Variants in ACACA observed in about 807,000 individuals in gnomAD.
ACACA encodes the protein acetyl-CoA carboxylase alpha, also known as acetyl-CoA carboxylase 1.
Under a neutral mutation model 296.1 loss-of-function variants are expected in ACACA, and 103 were observed. That is an observed-to-expected ratio of 0.35 (90% CI 0.30 to 0.41). ACACA has a LOEUF of 0.41. ACACA is among the 10% of genes least tolerant of loss of function. ACACA has a pLI of 1.00. For synonymous variants in ACACA, 953 were observed against 1,038.6 expected (o/e 0.92, Z 1.58); for missense variants, 1,554 against 2,989.7 (o/e 0.52, Z 11.20).
intron 1 of ACACA, among the ~76,000 whole-genome samples, chr17:37,375,442 G>C (rs943930439): frequency 6.6e-6 from 1 of 151,588 alleles, no homozygotes; most frequent in African/African-American, 2.4e-5. Context: ...AGCCGAGATC[G>C]TGTCACTACA....
At chr17:37,229,364 C>T (rs147409479) in intron 25 of ACACA, among the ~76,000 whole-genome samples, 3,040 of 151,896 alleles carry the variant, frequency 0.02, 67 homozygotes, top group Middle Eastern at 0.065. Context: ...AGTGCAGTGG[C>T]GCAATCTTGG....
At position 37,205,804 on chromosome 17, in the gene ACACA, G is replaced by A. The variant is rs775079701; in HGVS notation, c.4017C>T (p.Asp1339=). 2 of 1,613,648 alleles carry A rather than the reference G, an allele frequency of 1.2e-6. No individual in the cohort carries two copies. Among genetic ancestry groups the A allele is most frequent in the East Asian group, 2.2e-5 (1 of 44,876 alleles). ...ATTCTCTGAACATAGCTGCCAGCCT[G>A]TCATCCTCAATATCACAGTCAGTCT... ...AIKTDCDIED[D]RLAAMFREFT... Residue 1339 remains aspartate, a synonymous_variant, in exon 33 of 56, where the codon GAC becomes GAT. Coordinates refer to ENST00000616317, the MANE Select transcript of ACACA (RefSeq NM_198834.3).
chr17:37,125,768 A>G lies in ACACA; in HGVS notation c.5971T>C (p.Phe1991Leu). The part of the protein sequence containing the change: ...PTQKGQWLSG[F>L]FDYGSFSEIM... ...TCTGAGAAAGATCCATAGTCAAAAA[A>G]GCCACTCAACCACTGACCTTTTTGG... is the stretch of plus-strand genomic sequence containing the variant. Residue 1991 changes from phenylalanine (F) to leucine (L), a missense_variant, in exon 48 of 56, where the codon TTT (phenylalanine) becomes CTT (leucine). Phe to Leu is a conservative substitution (Grantham distance 22, BLOSUM62 0). Around this residue, in one of 16 missense-constraint regions of ACACA, gnomAD observed 553 missense variants for 1,043.6 expected, o/e 0.53. Transcript: ENST00000616317. 6.2e-7 allele frequency: 1 copy of G among 1,614,086 alleles called. No homozygotes were observed. The highest frequency in any genetic ancestry group is 8.5e-7 in the Non-Finnish European group (1 of 1,179,974).
chr17:37,138,506 T>G (rs1487615475), intron 45 of ACACA, among the ~76,000 whole-genome samples: 2 of 152,224 alleles, frequency 1.3e-5, no homozygotes, highest in African/African-American at 4.8e-5. Flanking sequence ...GCTTGGAGAT[T>G]ATTAAACTTG....
Position 37,111,559 on chromosome 17 carries a change from TG to T in ACACA, c.6536del (p.Pro2179GlnfsTer15). The T allele has an allele frequency of 1.2e-6, 2 of 1,614,172 alleles. No individual in the cohort carries two copies. The highest frequency in any genetic ancestry group is 1.7e-6 in the Non-Finnish European group (2 of 1,179,992). ...ATCGCTCAGCCAAGTGGATGTAGAC[TG>T]GGTCCACCCGACGCATGGTTTTCAC... ...DLVKTMRRVD[P>X]VYIHLAERLG... On this transcript the variant is annotated frameshift_variant, in exon 52 of 56. Transcript: ENST00000616317. LOFTEE classifies it high-confidence loss of function.
intron 3 of ACACA, among the ~76,000 whole-genome samples, chr17:37,317,699 A>G (rs1490999818): frequency 1.3e-5 from 2 of 152,232 alleles, no homozygotes; most frequent in African/African-American, 4.8e-5. Flanking sequence ...GGGGAAATGC[A>G]TGCATTACAC....
chr17:37,260,296 A>ATTTTTT (rs1165828702), intron 11 of ACACA, among the ~76,000 whole-genome samples: 9 of 18,978 alleles, frequency 4.7e-4, no homozygotes, highest in Admixed American at 1.2e-3. Context: ...ATATATATAT[A>ATTTTTT]TTTTTTTTTT....
At chr17:37,174,020 A>ATATATATATATTT (rs552735515) in intron 41 of ACACA, among the ~76,000 whole-genome samples, 1 of 16,794 alleles carries the variant, frequency 6.0e-5, no homozygotes, top group African/African-American at 2.6e-4. Context: ...ATATATATAT[A>ATATATATATATTT]TTTTTTTTTT....
intron 19 of ACACA, among the ~76,000 whole-genome samples, chr17:37,245,566 T>A (rs2909264): frequency 0.15 from 22,488 of 152,148 alleles, 2,290 homozygotes; most frequent in East Asian, 0.44. Context: ...AACCTAAGGA[T>A]CATTCTTCAC....
In ACACA at chr17:37,151,473, G is replaced by C. The variant is rs764461830; in HGVS notation, c.5448-52C>G. The C allele has an allele frequency of 2.5e-6, 4 of 1,605,676 alleles. No individual in the cohort carries two copies. In the Admixed American group the frequency reaches 6.7e-5, roughly 27 times the overall value. On this transcript the variant is annotated intron_variant, in intron 43 of 55. Coordinates refer to ENST00000616317, the MANE Select transcript of ACACA (RefSeq NM_198834.3). ...TGAATGTTAAACACAGTAACAACAA[G>C]CCATTAAAAGAATAATCACCAATAA... is the stretch of plus-strand genomic sequence containing the variant.
chr17:37,244,564 T>C, intron 21 of ACACA, 24 bp downstream of exon 21: 1 of 1,613,170 alleles, frequency 6.2e-7, no homozygotes. Context: ...TGTACATCCC[T>C]TCCCCAGGAG....
chr17:37,360,924 T>C (rs2049380110), intron 1 of ACACA, among the ~76,000 whole-genome samples: 1 of 152,148 alleles, frequency 6.6e-6, no homozygotes, highest in South Asian at 2.1e-4. Flanking sequence ...CAGCAGTCTC[T>C]GAAGCTGACA....
At chr17:37,238,285 T>C (rs1429501342) in intron 24 of ACACA, among the ~76,000 whole-genome samples, 2 of 149,156 alleles carry the variant, frequency 1.3e-5, no homozygotes, top group Non-Finnish European at 3.0e-5. Flanking sequence ...CTTTCTTTCC[T>C]CTTTTTTTTT....
intron 3 of ACACA, among the ~76,000 whole-genome samples, chr17:37,314,012 T>C (rs545523205): frequency 6.6e-6 from 1 of 152,008 alleles, no homozygotes; most frequent in South Asian, 2.1e-4. Context: ...AGAGAGTATA[T>C]CTACTCCATA....
At chr17:37,251,969 G>T in intron 16 of ACACA, 36 bp downstream of exon 16, 1 of 1,569,934 alleles carries the variant, frequency 6.4e-7, no homozygotes, top group Non-Finnish European at 8.8e-7. Flanking sequence ...CAGGACCATT[G>T]ATTAGTTTGT....
At chr17:37,285,465 T>A (rs1166052847) in intron 3 of ACACA, among the ~76,000 whole-genome samples, 1 of 152,188 alleles carries the variant, frequency 6.6e-6, no homozygotes, top group African/African-American at 2.4e-5. Flanking sequence ...CAAGGCAGCA[T>A]AATATGCCAT....
rs748709541 is a variant in ACACA, at chr17:37,127,842, CA to C, written c.5944+1522del. On this transcript the variant is annotated intron_variant, in intron 47 of 55. Coordinates refer to ENST00000616317, the MANE Select transcript of ACACA (RefSeq NM_198834.3). ...CTGGCGACAGAGTGAGACTCCGCCTCAAAAAAAAAAAAAAGAAAAAGAAAAA... is the reference window on the plus strand; with the variant it reads ...CTGGCGACAGAGTGAGACTCCGCCTCAAAAAAAAAAAAAGAAAAAGAAAAA... 6.9e-3 allele frequency among the ~76,000 whole-genome samples: 306 copies of C among 44,428 alleles called. 3 individuals carry two copies. The highest frequency in any genetic ancestry group is 0.022 in the African/African-American group (258 of 11,664). 29.1% of individuals were successfully genotyped at this position (44,428 alleles called of 152,430 possible).
chr17:37,157,682 T>C lies in ACACA; in HGVS notation c.5350-1902A>G, dbSNP rs538124631. Among the ~76,000 whole-genome samples the C allele has an allele frequency of 2.0e-5, 3 of 152,074 alleles. No homozygotes were observed. In the East Asian group the frequency reaches 5.8e-4, roughly 29 times the overall value. ...TCCCAAGTAGCTGGGATTACAGGCATCTGTCACAATGCCCAGCTAATTTTT... is the reference window on the plus strand; with the variant it reads ...TCCCAAGTAGCTGGGATTACAGGCACCTGTCACAATGCCCAGCTAATTTTT... On this transcript the variant is annotated intron_variant, in intron 42 of 55. Coordinates refer to ENST00000616317, the MANE Select transcript of ACACA (RefSeq NM_198834.3).
At position 37,274,313 on chromosome 17, in the gene ACACA, T is replaced by C. The variant is rs2082186951; in HGVS notation, c.902-14A>G. 2.5e-6 allele frequency: 4 copies of C among 1,596,544 alleles called. No individual in the cohort carries two copies. The highest frequency in any genetic ancestry group is 2.6e-6 in the Non-Finnish European group (3 of 1,164,034). On this transcript the variant is annotated splice_polypyrimidine_tract_variant and intron_variant, in intron 8 of 55. Coordinates refer to ENST00000616317, the MANE Select transcript of ACACA (RefSeq NM_198834.3). Reference sequence around the variant, plus strand: ...CCACACGAAGACCTGCAACAGACAATAGCAACTTAGGGCAATTACAAGATC... The same window carrying C: ...CCACACGAAGACCTGCAACAGACAACAGCAACTTAGGGCAATTACAAGATC...
Sources: gnomAD v4.1 joint callset for allele counts (sites outside exome capture counted in the v4.1 genomes callset) on GRCh38, gnomAD v4.1.1 for gene constraint, gnomAD v4.1.1 regional missense constraint, MANE v1.5 for transcripts, NCBI Gene and HGNC (gene_info 2026-07-23, HGNC 2026-07-21) for gene names.